The following R3HDM2 variants were observed in gnomAD, a reference collection of about 807,000 sequenced individuals.
R3HDM2 encodes R3H domain-containing protein 2.
R3HDM2 carries 38 observed loss-of-function variants against 124.5 expected under a neutral mutation model. The observed-to-expected ratio is 0.31, with a 90% CI of 0.24 to 0.40. The LOEUF is 0.40. Ranked by LOEUF, R3HDM2 falls within the 10% of genes least tolerant of loss-of-function variation. The pLI is 1.00. For synonymous variants in R3HDM2, 391 were observed against 448.0 expected (o/e 0.87, Z 1.61); for missense variants, 869 against 1,236.9 (o/e 0.70, Z 4.46).
At chr12:57,377,113 TTGGTCTCAG>T (rs1566405497) in intron 2 of R3HDM2, among the ~76,000 whole-genome samples, 11 of 24,762 alleles carry the variant, frequency 4.4e-4, no homozygotes, top group Admixed American at 2.2e-3. Context: ...TAAAAGAGAC[TTGGTCTCAG>T]AAAAAAAAAA....
chr12:57,370,403 G>GC (rs1566374616), intron 2 of R3HDM2, among the ~76,000 whole-genome samples: 1 of 134,548 alleles, frequency 7.4e-6, no homozygotes, highest in South Asian at 2.8e-4. Flanking sequence ...GGCCCGGGGG[G>GC]GGGGGGCGGG....
intron 7 of R3HDM2, chr12:57,297,774 G>T: frequency 5.6e-6 from 2 of 360,104 alleles, no homozygotes; most frequent in Non-Finnish European, 1.0e-5. Flanking sequence ...TTCCTTCTGT[G>T]CTTTTTATTT....
rs970602958 is a variant in R3HDM2 at position 57,254,370 on chromosome 12, G to A, written c.*403C>T. On this transcript the variant is annotated 3_prime_UTR_variant, in exon 24 of 24. Transcript: ENST00000402412. The stretch of plus-strand genomic sequence containing the variant: ...ACAAAAATTAGCCGGGCATGGTGGC[G>A]CGTGTCTGTAGTGCCAGCTACTTGG... 5.4e-5 allele frequency: 22 copies of A among 410,194 alleles called. No homozygotes were observed. The highest frequency in any genetic ancestry group is 8.0e-5 in the Non-Finnish European group (17 of 212,064). 25.4% of individuals were successfully genotyped at this position (410,194 alleles called of 1,614,324 possible).
chr12:57,290,813 T>C (rs2048413760), intron 11 of R3HDM2, among the ~76,000 whole-genome samples: 1 of 152,166 alleles, frequency 6.6e-6, no homozygotes, highest in Admixed American at 6.5e-5. Flanking sequence ...GGTTTCTCCA[T>C]GATGGTCAGG....
intron 10 of R3HDM2, 130 bp from the exon 11 acceptor site, chr12:57,292,797 A>C: frequency 3.0e-6 from 2 of 661,652 alleles, no homozygotes; most frequent in Non-Finnish European, 5.1e-6. Flanking sequence ...AAAGAATAAA[A>C]TTTCCAGTCC....
intron 13 of R3HDM2, among the ~76,000 whole-genome samples, chr12:57,280,892 C>G (rs959375204): frequency 6.6e-6 from 1 of 151,400 alleles, no homozygotes; most frequent in African/African-American, 2.4e-5. Flanking sequence ...CCTGGGAAGG[C>G]ACAGATTTTT....
chr12:57,300,322 T>A, intron 4 of R3HDM2, 141 bp from the exon 5 acceptor site: 2 of 672,496 alleles, frequency 3.0e-6, no homozygotes, highest in South Asian at 3.8e-5. Flanking sequence ...TAAACAGGGG[T>A]TTTTTTCAAA....
chr12:57,377,695 G>C (rs774386551), intron 2 of R3HDM2, among the ~76,000 whole-genome samples: 16 of 152,136 alleles, frequency 1.1e-4, no homozygotes, highest in Non-Finnish European at 1.6e-4. Flanking sequence ...ATAACATTAG[G>C]ACCATGCCTA....
At chr12:57,406,336 A>C (rs925820783) in intron 1 of R3HDM2, among the ~76,000 whole-genome samples, 18 of 151,990 alleles carry the variant, frequency 1.2e-4, no homozygotes, top group South Asian at 4.1e-4. Context: ...AAAAAAAAAA[A>C]AAAACTGAAA....
At chr12:57,343,104 G>C (rs75002694) in intron 2 of R3HDM2, among the ~76,000 whole-genome samples, 8,420 of 151,970 alleles carry the variant, frequency 0.055, 662 homozygotes, top group African/African-American at 0.18. Context: ...TGGTACAAAG[G>C]AGACCAGGAA....
chr12:57,418,810 G>A (rs1431330457), intron 1 of R3HDM2, among the ~76,000 whole-genome samples: 15 of 151,978 alleles, frequency 9.9e-5, no homozygotes, highest in Non-Finnish European at 7.4e-5. Flanking sequence ...TGATCTGCCC[G>A]CCTTAACCTC....
Position 57,298,115 on chromosome 12 carries a change from C to T in R3HDM2, c.475G>A (p.Val159Ile). 6.4e-7 allele frequency: 1 copy of T among 1,551,052 alleles called. No homozygotes were observed. The highest frequency in any genetic ancestry group is 1.2e-5 in the South Asian group (1 of 84,054). ...CTTGGGTTCTTTTTCAGTGTATTTA[C>T]AAGAAATTCATGTAGGTCTATTCCA... ...STGIDLHEFL[V>I]NTLKKNPRDR... The change falls in exon 7 of 24, where the codon GTA (valine) becomes ATA (isoleucine). Residue 159 changes from valine (V) to isoleucine (I), a missense_variant. By Grantham distance (29) the Val-to-Ile change is conservative. Around this residue, in one of 2 missense-constraint regions of R3HDM2, gnomAD observed 267 missense variants for 447.7 expected, o/e 0.60. Coordinates refer to ENST00000402412, the MANE Select transcript of R3HDM2 (RefSeq NM_001394031.1).
chr12:57,295,552 G>T, intron 9 of R3HDM2, 45 bp from the exon 10 acceptor site: 1 of 1,386,412 alleles, frequency 7.2e-7, no homozygotes, highest in Non-Finnish European at 1.0e-6. Context: ...GACAAAGACC[G>T]TTTTGTTAGG....
chr12:57,353,857 T>A (rs893693566), intron 2 of R3HDM2, among the ~76,000 whole-genome samples: 19 of 152,168 alleles, frequency 1.2e-4, no homozygotes, highest in South Asian at 2.1e-4. Flanking sequence ...ATGTTTTTTT[T>A]ATTTTTTTAT....
intron 2 of R3HDM2, among the ~76,000 whole-genome samples, chr12:57,374,768 C>T (rs1172481668): frequency 6.9e-6 from 1 of 145,764 alleles, no homozygotes; most frequent in Non-Finnish European, 1.5e-5. Context: ...CTGAGGCAGG[C>T]AGATCACGAG....
chr12:57,340,301 C>T (rs777046724), intron 2 of R3HDM2, among the ~76,000 whole-genome samples: 1 of 152,158 alleles, frequency 6.6e-6, no homozygotes, highest in Non-Finnish European at 1.5e-5. Context: ...CTCCCAGCAA[C>T]GATTAATGAG....
At chr12:57,262,244 T>C (rs895056532) in intron 19 of R3HDM2, among the ~76,000 whole-genome samples, 4 of 152,202 alleles carry the variant, frequency 2.6e-5, no homozygotes, top group African/African-American at 9.7e-5. Context: ...AAGAGCAGTC[T>C]CAGCTTTGGA....
chr12:57,393,244 C>T (rs2066994689), intron 2 of R3HDM2, among the ~76,000 whole-genome samples: 1 of 152,170 alleles, frequency 6.6e-6, no homozygotes, highest in South Asian at 2.1e-4. Flanking sequence ...GCTCGGACTA[C>T]AGGCACCCAC....
intron 2 of R3HDM2, among the ~76,000 whole-genome samples, chr12:57,376,900 G>A (rs1264876296): frequency 6.6e-6 from 1 of 151,708 alleles, no homozygotes; most frequent in South Asian, 2.1e-4. Context: ...GCAATGAGCC[G>A]AGATGACACC....
Sources: gnomAD v4.1 joint callset for allele counts (sites outside exome capture counted in the v4.1 genomes callset) on GRCh38, gnomAD v4.1.1 for gene constraint, gnomAD v4.1.1 regional missense constraint, MANE v1.5 for transcripts, NCBI Gene and HGNC (gene_info 2026-07-23, HGNC 2026-07-21) for gene names.